The following BACH2 variants were observed in gnomAD, a reference collection of about 807,000 sequenced individuals.
BACH2 encodes the protein transcription regulator protein BACH2.
BACH2 carries 5 observed loss-of-function variants against 61.8 expected under a neutral mutation model. The observed-to-expected ratio is 0.08, with a 90% CI of 0.04 to 0.17. BACH2 has a LOEUF of 0.17. BACH2 is among the 10% of genes least tolerant of loss of function. BACH2 has a pLI of 1.00. For missense variants in BACH2, 824 were observed against 1,091.1 expected (o/e 0.76, Z 3.45); for synonymous variants, 446 against 440.1 (o/e 1.01, Z -0.17).
intron 6 of BACH2, among the ~76,000 whole-genome samples, chr6:90,001,819 T>C (rs1457198766): frequency 6.6e-6 from 1 of 152,206 alleles, no homozygotes; most frequent in Non-Finnish European, 1.5e-5. Flanking sequence ...GAAAACTGGG[T>C]GTGGGTGAGC....
intron 3 of BACH2, among the ~76,000 whole-genome samples, chr6:90,251,016 T>C (rs1270700363): frequency 3.3e-5 from 5 of 152,228 alleles, no homozygotes; most frequent in South Asian, 2.1e-4. Flanking sequence ...AGCTGAGATA[T>C]AGGCCCAAGT....
At chr6:90,061,271 CTGAT>C (rs1214816745) in intron 5 of BACH2, among the ~76,000 whole-genome samples, 3 of 152,094 alleles carry the variant, frequency 2.0e-5, no homozygotes, top group Admixed American at 2.0e-4. Flanking sequence ...GACTCGATAT[CTGAT>C]TGGGCATAAA....
chr6:90,184,958 T>C (rs976586363), intron 4 of BACH2, among the ~76,000 whole-genome samples: 3 of 152,238 alleles, frequency 2.0e-5, no homozygotes, highest in Non-Finnish European at 4.4e-5. Flanking sequence ...CCTGTGGCAC[T>C]GTAGAGTGAG....
chr6:90,049,865 C>T (rs1334475281), intron 5 of BACH2, among the ~76,000 whole-genome samples: 2 of 152,166 alleles, frequency 1.3e-5, no homozygotes, highest in Non-Finnish European at 2.9e-5. Flanking sequence ...GATTCAGCGG[C>T]AAGCTGCACA....
chr6:90,068,105 T>C (rs996779215), intron 5 of BACH2, among the ~76,000 whole-genome samples: 7 of 152,236 alleles, frequency 4.6e-5, no homozygotes, highest in African/African-American at 9.6e-5. Context: ...TGTTGTAGAA[T>C]TGAAGTCAGC....
intron 4 of BACH2, among the ~76,000 whole-genome samples, chr6:90,177,414 G>A (rs1294076369): frequency 6.6e-6 from 1 of 152,156 alleles, no homozygotes; most frequent in African/African-American, 2.4e-5. Context: ...GTTATGACGT[G>A]AGTTCCCACA....
At chr6:90,172,623 T>C (rs1180603085) in intron 4 of BACH2, among the ~76,000 whole-genome samples, 1 of 151,928 alleles carries the variant, frequency 6.6e-6, no homozygotes, top group African/African-American at 2.4e-5. Flanking sequence ...AAAATAATAC[T>C]GAATATGTAA....
chr6:90,294,417 T>C (rs1269499609), intron 1 of BACH2, among the ~76,000 whole-genome samples: 2 of 152,106 alleles, frequency 1.3e-5, no homozygotes, highest in African/African-American at 4.8e-5. Flanking sequence ...AAAAAAAACG[T>C]TGGAAATGGG....
intron 4 of BACH2, among the ~76,000 whole-genome samples, chr6:90,102,833 T>TAAA (rs1238259017): frequency 2.7e-4 from 36 of 133,014 alleles, no homozygotes; most frequent in Admixed American, 8.5e-4. Context: ...ATAATAATAA[T>TAAA]AATAATAAAA....
chr6:90,224,668 T>A (rs1055387483), intron 3 of BACH2, among the ~76,000 whole-genome samples: 8 of 152,198 alleles, frequency 5.3e-5, no homozygotes, highest in African/African-American at 1.9e-4. Context: ...TAAAATATAT[T>A]AAAATGAAAT....
intron 5 of BACH2, among the ~76,000 whole-genome samples, chr6:90,062,077 C>G (rs9451337): frequency 0.13 from 19,749 of 152,110 alleles, 4,224 homozygotes; most frequent in African/African-American, 0.45. Context: ...AAGGGAGAAA[C>G]TGATCATGCA....
intron 4 of BACH2, among the ~76,000 whole-genome samples, chr6:90,166,606 G>A (rs545788992): frequency 2.6e-5 from 4 of 152,210 alleles, no homozygotes; most frequent in Non-Finnish European, 4.4e-5. Flanking sequence ...ACATGCACAC[G>A]TATGTTTATT....
At chr6:90,204,330 C>T (rs1769064245) in intron 4 of BACH2, among the ~76,000 whole-genome samples, 2 of 152,086 alleles carry the variant, frequency 1.3e-5, no homozygotes, top group Non-Finnish European at 2.9e-5. Flanking sequence ...CCAACTAACA[C>T]CATAATTGAG....
chr6:89,945,371 T>C (rs1353763544), intron 7 of BACH2, among the ~76,000 whole-genome samples: 3 of 152,206 alleles, frequency 2.0e-5, no homozygotes, highest in Non-Finnish European at 4.4e-5. Flanking sequence ...TACTAATACA[T>C]GACAATATAC....
At chr6:90,109,289 C>A (rs892635436) in intron 4 of BACH2, among the ~76,000 whole-genome samples, 1 of 152,116 alleles carries the variant, frequency 6.6e-6, no homozygotes, top group Admixed American at 6.6e-5. Context: ...TTGACTCAGT[C>A]GTCAACTTCC....
intron 4 of BACH2, among the ~76,000 whole-genome samples, chr6:90,198,709 AAC>A (rs1187218636): frequency 6.6e-6 from 1 of 152,224 alleles, no homozygotes; most frequent in African/African-American, 2.4e-5. Flanking sequence ...GAGGTGCTCC[AAC>A]ACAATCATTC....
At chr6:90,106,973 C>T (rs566703734) in intron 4 of BACH2, among the ~76,000 whole-genome samples, 23 of 152,314 alleles carry the variant, frequency 1.5e-4, no homozygotes, top group Non-Finnish European at 2.9e-4. Context: ...GTTTCTAGTT[C>T]CTTCAAATGT....
intron 3 of BACH2, among the ~76,000 whole-genome samples, chr6:90,214,163 C>T (rs1345931380): frequency 6.6e-6 from 1 of 152,176 alleles, no homozygotes; most frequent in Non-Finnish European, 1.5e-5. Flanking sequence ...CACGTCACTG[C>T]AAAGGGAGTA....
chr6:90,189,165 G>A (rs1373403877), intron 4 of BACH2, among the ~76,000 whole-genome samples: 2 of 152,154 alleles, frequency 1.3e-5, no homozygotes, highest in Non-Finnish European at 2.9e-5. Context: ...ATTTTTTGGA[G>A]AGAAGCAACA....
Sources: gnomAD v4.1 joint callset for allele counts (sites outside exome capture counted in the v4.1 genomes callset) on GRCh38, gnomAD v4.1.1 for gene constraint, MANE v1.5 for transcripts, NCBI Gene and HGNC (gene_info 2026-07-23, HGNC 2026-07-21) for gene names.